The following HIVEP1 variants were observed in gnomAD, a reference collection of about 807,000 sequenced individuals.
HIVEP1 encodes HIVEP zinc finger 1, also known as zinc finger protein 40.
Under a neutral mutation model 180.0 loss-of-function variants are expected in HIVEP1, and 36 were observed. The observed-to-expected ratio is 0.20, with a 90% confidence interval of 0.15 to 0.26. HIVEP1 has a LOEUF of 0.26. Ranked by LOEUF, HIVEP1 falls within the 10% of genes least tolerant of loss-of-function variation. The probability of loss-of-function intolerance (pLI) is 1.00; values close to 1 mark genes in which losing one functional copy is unlikely to be tolerated. For missense variants in HIVEP1, 3,143 were observed against 3,268.7 expected (o/e 0.96, Z 0.94); for synonymous variants, 1,239 against 1,239.0 (o/e 1.00, Z 0.00).
rs996544646 is a variant in HIVEP1 at position 12,155,405 on chromosome 6, C to T, written c.6488-6034C>T. Among the ~76,000 whole-genome samples, 44 of 150,712 alleles carry T rather than the reference C, an allele frequency of 2.9e-4. No individual in the cohort carries two copies. The Admixed American group carries it at 2.9e-3, about 10-fold the overall frequency. ...TTCTTCCTGATGTTCTTCCCCCACA[C>T]CCCTATCACCCCCCAACAGACAGGC... On this transcript the variant is annotated intron_variant, in intron 7 of 8. Transcript: ENST00000379388.
At chr6:12,110,509 G>A (rs1487050642) in intron 3 of HIVEP1, among the ~76,000 whole-genome samples, 1 of 152,180 alleles carries the variant, frequency 6.6e-6, no homozygotes, top group African/African-American at 2.4e-5. Context: ...CATGGAGATG[G>A]CCTCTTTCCT....
Position 12,161,751 on chromosome 6 carries a change from A to G in HIVEP1, c.6800A>G (p.Tyr2267Cys). ...MTVLSTAQSDYNRKTLSPGKA... is the reference protein window; with the variant it reads ...MTVLSTAQSDCNRKTLSPGKA... ...GTCCTGAGCACAGCACAGTCTGACT[A>G]CAATAGGAAGACACTCTCTCCGGGG... The change falls in exon 8 of 9, where the codon TAC (tyrosine) becomes TGC (cysteine). Residue 2267 changes from tyrosine to cysteine, a missense_variant. Tyr to Cys is a radical substitution (Grantham distance 194). Around this residue, in one of 12 missense-constraint regions of HIVEP1, gnomAD observed 595 missense variants for 602.2 expected, o/e 0.99. Transcript: ENST00000379388. 2 of 1,614,198 alleles carry G rather than the reference A, an allele frequency of 1.2e-6. No individual in the cohort carries two copies. The highest frequency in any genetic ancestry group is 1.7e-6 in the Non-Finnish European group (2 of 1,180,024).
At chr6:12,107,018 G>C (rs1218808168) in intron 3 of HIVEP1, among the ~76,000 whole-genome samples, 1 of 152,114 alleles carries the variant, frequency 6.6e-6, no homozygotes, top group African/African-American at 2.4e-5. Flanking sequence ...ATTTTGTTGT[G>C]TTCAGGGAAC....
At chr6:12,200,760 T>C in the HIVEP1 span, among the ~76,000 whole-genome samples, 1 of 152,256 alleles carries the variant, frequency 6.6e-6, no homozygotes, top group South Asian at 2.1e-4. Context: ...GCCTCATGCC[T>C]GGAATATATT....
chr6:12,015,767 G>A, intron 2 of HIVEP1, 99 bp downstream of exon 2: 1 of 1,051,472 alleles, frequency 9.5e-7, no homozygotes, highest in Non-Finnish European at 1.5e-6. Context: ...TGTTGACCCT[G>A]CCTGGTGAGG....
chr6:12,037,544 T>C (rs886881471), intron 2 of HIVEP1, among the ~76,000 whole-genome samples: 11 of 152,206 alleles, frequency 7.2e-5, no homozygotes, highest in African/African-American at 2.7e-4. Flanking sequence ...TATAAACATA[T>C]TTGTGGATAA....
At chr6:12,185,157 C>T in the HIVEP1 span, among the ~76,000 whole-genome samples, 8 of 152,182 alleles carry the variant, frequency 5.3e-5, no homozygotes. Context: ...GGCTGTTGTC[C>T]ATTCAAGATG....
At chr6:12,042,130 A>C (rs1355382832) in intron 2 of HIVEP1, among the ~76,000 whole-genome samples, 2 of 135,910 alleles carry the variant, frequency 1.5e-5, no homozygotes, top group Non-Finnish European at 3.0e-5. Context: ...GGGACTGCGG[A>C]CTGCAGTGGC....
chr6:12,082,101 A>G (rs1289279756), intron 2 of HIVEP1, among the ~76,000 whole-genome samples: 1 of 151,604 alleles, frequency 6.6e-6, no homozygotes, highest in Non-Finnish European at 1.5e-5. Context: ...CTTTTCCTCT[A>G]CTTGCTCCTT....
chr6:12,107,373 G>C (rs1283228042), intron 3 of HIVEP1, among the ~76,000 whole-genome samples: 1 of 152,210 alleles, frequency 6.6e-6, no homozygotes, highest in Non-Finnish European at 1.5e-5. Flanking sequence ...TCTTTATCCA[G>C]TCATAATCTT....
At chr6:12,065,214 A>G (rs1771492706) in intron 2 of HIVEP1, among the ~76,000 whole-genome samples, 1 of 152,220 alleles carries the variant, frequency 6.6e-6, no homozygotes, top group South Asian at 2.1e-4. Context: ...ATGTCATGAA[A>G]AACTGGTGAG....
chr6:12,056,478 G>C (rs544251975), intron 2 of HIVEP1, among the ~76,000 whole-genome samples: 3 of 152,210 alleles, frequency 2.0e-5, no homozygotes, highest in African/African-American at 7.2e-5. Context: ...GTGTATTAAA[G>C]TTATCAATTT....
In HIVEP1 at chr6:12,122,389, A is replaced by G; in HGVS notation, c.2594A>G (p.Gln865Arg). The change falls in exon 4 of 9, where the codon CAG becomes CGG. Residue 865 changes from glutamine (Q) to arginine (R), a missense_variant. Transcript: ENST00000379388. ...CCTCCTCATCCACTAAGAGGAAGTC[A>G]GTCATTTGATGACAAAATTGGCGCT... ...IPPPHPLRGSQSFDDKIGAFY... is the reference protein window; with the variant it reads ...IPPPHPLRGSRSFDDKIGAFY... The G allele has an allele frequency of 6.2e-7, 1 of 1,614,112 alleles. No homozygotes were observed. Among genetic ancestry groups the G allele is most frequent in the East Asian group, 2.2e-5 (1 of 44,892 alleles).
chr6:12,014,486 C>T (rs970748471), intron 1 of HIVEP1, among the ~76,000 whole-genome samples: 5 of 152,166 alleles, frequency 3.3e-5, no homozygotes, highest in Non-Finnish European at 7.3e-5. Context: ...CATAAGTGTT[C>T]TCTTGTCTTC....
At chr6:12,125,947 T>G (rs1369104639) in intron 4 of HIVEP1, 77 bp downstream of exon 4, 1 of 802,476 alleles carries the variant, frequency 1.2e-6, no homozygotes, top group African/African-American at 1.7e-5. Flanking sequence ...TTTAAATATT[T>G]TAACTGGAAA....
At position 12,164,141 on chromosome 6, in the gene HIVEP1, A is replaced by G. The variant is rs1259861744; in HGVS notation, c.7837A>G (p.Lys2613Glu). The G allele has an allele frequency of 1.2e-6, 2 of 1,614,138 alleles. No individual in the cohort carries two copies. The highest frequency in any genetic ancestry group is 1.7e-6 in the Non-Finnish European group (2 of 1,180,026). The change falls in exon 9 of 9, where the codon AAA becomes GAA. Residue 2613 changes from lysine to glutamate, a missense_variant. This residue lies in a region of HIVEP1 where 595 missense variants were observed against 602.2 expected (regional missense o/e 0.99). Coordinates refer to ENST00000379388, the MANE Select transcript of HIVEP1 (RefSeq NM_002114.4). ...LPTVQRENAK[K>E]VLNPPAPAGD... is the part of the protein sequence containing the mutation. ...TACAGTCCAGCGGGAAAATGCAAAA[A>G]AAGTTCTGAATCCACCTGCCCCTGC...
In HIVEP1 at chr6:12,124,464, G is replaced by A. The variant is rs1410584612; in HGVS notation, c.4669G>A (p.Ala1557Thr). The A allele has an allele frequency of 1.2e-6, 2 of 1,614,008 alleles. No homozygotes were observed. The highest frequency in any genetic ancestry group is 2.7e-5 in the African/African-American group (2 of 74,896). Reference protein sequence around the residue: ...SGSSKSEDCFAPKYQLHCQVF... With the variant: ...SGSSKSEDCFTPKYQLHCQVF... The stretch of plus-strand genomic sequence containing the variant: ...GTCTTCTAAAAGTGAGGATTGCTTT[G>A]CTCCCAAATACCAATTGCATTGTCA... Residue 1557 changes from alanine to threonine, a missense_variant, in exon 4 of 9, where the codon GCT becomes ACT. Transcript: ENST00000379388.
chr6:12,147,112 GAGTTCCAC>G (rs1759420628), intron 7 of HIVEP1, among the ~76,000 whole-genome samples: 1 of 152,136 alleles, frequency 6.6e-6, no homozygotes, highest in Admixed American at 6.5e-5. Context: ...AAAAACAAGA[GAGTTCCAC>G]AGGGCCCAAG....
Position 12,164,044 on chromosome 6 carries a change from GAC to G in HIVEP1, c.7744_7745del (p.Gln2582ThrfsTer41). 6.2e-7 allele frequency: 1 copy of G among 1,614,146 alleles called. No homozygotes were observed. The highest frequency in any genetic ancestry group is 1.1e-5 in the South Asian group (1 of 91,086). The stretch of plus-strand genomic sequence containing the variant: ...CAGCTTCCCAAAGCAAAGCATGCGA[GAC>G]ACAACCCAAGCAGACTTCTGTAGCC... The part of the protein sequence containing the change: ...MPASQSKACE[T>X]QPKQTSVASA... On this transcript the variant is annotated frameshift_variant, in exon 9 of 9. Transcript: ENST00000379388. LOFTEE classifies it low-confidence loss of function (END_TRUNC).
Sources: gnomAD v4.1 joint callset for allele counts (sites outside exome capture counted in the v4.1 genomes callset) on GRCh38, gnomAD v4.1.1 for gene constraint, gnomAD v4.1.1 regional missense constraint, MANE v1.5 for transcripts, NCBI Gene and HGNC (gene_info 2026-07-23, HGNC 2026-07-21) for gene names.